Variants in LIN7A observed in about 807,000 individuals in gnomAD.
LIN7A encodes the protein protein lin-7 homolog A.
LIN7A carries 25 observed loss-of-function variants against 29.8 expected under a neutral mutation model. The observed-to-expected ratio is 0.84, with a 90% CI of 0.61 to 1.17. The LOEUF is 1.17. Among genes scored for constraint, LIN7A ranks in the 50% most tolerant of loss-of-function variants. The pLI is 0.00. For synonymous variants in LIN7A, 118 were observed against 107.5 expected (o/e 1.10, Z -0.60); for missense variants, 239 against 287.0 (o/e 0.83, Z 1.21).
At chr12:80,855,663 T>C (rs1421901935) in intron 2 of LIN7A, among the ~76,000 whole-genome samples, 1 of 152,068 alleles carries the variant, frequency 6.6e-6, no homozygotes, top group South Asian at 2.1e-4. Flanking sequence ...TAAAATGAAT[T>C]TGGGGATCAT....
intron 4 of LIN7A, among the ~76,000 whole-genome samples, chr12:80,824,143 G>A (rs1871945332): frequency 6.6e-6 from 1 of 152,032 alleles, no homozygotes; most frequent in South Asian, 2.1e-4. Context: ...CAAAAAGAGA[G>A]AAAATCCAAA....
At position 80,916,603 on chromosome 12, in the gene LIN7A, T is replaced by G. The variant is rs188777802; in HGVS notation, c.82+21038A>C. On this transcript the variant is annotated intron_variant, in intron 1 of 5. Coordinates refer to ENST00000552864, the MANE Select transcript of LIN7A (RefSeq NM_004664.4). ...AGACTGTGTCTGTTGTATTCACTGC[T>G]GCAGTCCCAAAACCTAGAAGAGAGG... is the stretch of plus-strand genomic sequence containing the variant. Among the ~76,000 whole-genome samples the G allele has an allele frequency of 4.6e-5, 7 of 152,262 alleles. No homozygotes were observed. The East Asian group carries it at 1.2e-3, about 25-fold the overall frequency.
At chr12:80,849,670 C>G (rs1293705665) in intron 2 of LIN7A, among the ~76,000 whole-genome samples, 2 of 152,080 alleles carry the variant, frequency 1.3e-5, no homozygotes, top group African/African-American at 4.8e-5. Flanking sequence ...AGCCTTCTCT[C>G]TAGTTTTATT....
chr12:80,824,861 C>G (rs1871982486), intron 4 of LIN7A, among the ~76,000 whole-genome samples: 2 of 152,134 alleles, frequency 1.3e-5, no homozygotes, highest in Admixed American at 6.5e-5. Context: ...AAGGGACATA[C>G]CTTAAGGTAA....
chr12:80,913,817 G>GA (rs140310508), intron 1 of LIN7A, among the ~76,000 whole-genome samples: 1,736 of 152,006 alleles, frequency 0.011, 29 homozygotes, highest in African/African-American at 0.036. Context: ...ATTATTTTCT[G>GA]AAAAAAATCT....
intron 1 of LIN7A, among the ~76,000 whole-genome samples, chr12:80,896,771 T>C (rs1875923788): frequency 6.6e-6 from 1 of 152,244 alleles, no homozygotes; most frequent in Non-Finnish European, 1.5e-5. Flanking sequence ...AAAAAAAGTC[T>C]GACAATACTA....
chr12:80,871,994 AAC>A (rs1186466354), intron 2 of LIN7A, among the ~76,000 whole-genome samples: 1 of 152,110 alleles, frequency 6.6e-6, no homozygotes, highest in Non-Finnish European at 1.5e-5. Context: ...GCTGTAGCTT[AAC>A]AGAGTTAAAT....
At chr12:80,801,684 T>C (rs760466999) in intron 5 of LIN7A, among the ~76,000 whole-genome samples, 1 of 152,198 alleles carries the variant, frequency 6.6e-6, no homozygotes, top group African/African-American at 2.4e-5. Context: ...TTATTTTTTG[T>C]GGTGGAAATA....
At chr12:80,923,139 ACTT>A (rs1433635808) in intron 1 of LIN7A, among the ~76,000 whole-genome samples, 3 of 152,194 alleles carry the variant, frequency 2.0e-5, no homozygotes, top group Admixed American at 6.5e-5. Flanking sequence ...AGAAAGGCGA[ACTT>A]GCACTCTTTC....
At chr12:80,813,239 C>T (rs1871379220) in intron 4 of LIN7A, among the ~76,000 whole-genome samples, 1 of 152,154 alleles carries the variant, frequency 6.6e-6, no homozygotes, top group South Asian at 2.1e-4. Context: ...TCTTGATCTC[C>T]TGACCTTGTG....
At chr12:80,798,174 C>G (rs925774630) in intron 5 of LIN7A, among the ~76,000 whole-genome samples, 2 of 152,188 alleles carry the variant, frequency 1.3e-5, no homozygotes, top group African/African-American at 4.8e-5. Context: ...TTAAATCTGT[C>G]TCTCTTCATA....
At chr12:80,885,531 C>A (rs1875280515) in intron 2 of LIN7A, among the ~76,000 whole-genome samples, 1 of 152,022 alleles carries the variant, frequency 6.6e-6, no homozygotes, top group Admixed American at 6.6e-5. Flanking sequence ...CTTTAGAGAT[C>A]CTTCAGCAAT....
intron 2 of LIN7A, among the ~76,000 whole-genome samples, chr12:80,858,324 C>T (rs1207993702): frequency 1.3e-5 from 2 of 152,042 alleles, no homozygotes; most frequent in Non-Finnish European, 2.9e-5. Context: ...CTTAATTTCC[C>T]TACCTATTTT....
At chr12:80,900,012 C>A (rs1474074263) in intron 1 of LIN7A, among the ~76,000 whole-genome samples, 1 of 151,808 alleles carries the variant, frequency 6.6e-6, no homozygotes, top group Non-Finnish European at 1.5e-5. Context: ...CGTGATCTGC[C>A]CGCCTCGGCC....
intron 2 of LIN7A, among the ~76,000 whole-genome samples, chr12:80,876,098 G>C (rs1565911193): frequency 6.6e-6 from 1 of 151,796 alleles, no homozygotes; most frequent in African/African-American, 2.4e-5. Context: ...GAGAAAGAGA[G>C]AGACAGACAG....
chr12:80,860,576 AG>A (rs1873818023), intron 2 of LIN7A, among the ~76,000 whole-genome samples: 1 of 152,206 alleles, frequency 6.6e-6, no homozygotes, highest in South Asian at 2.1e-4. Context: ...GAGTTAATTC[AG>A]GGTGGTGAAT....
At chr12:80,903,557 G>T (rs957001147) in intron 1 of LIN7A, among the ~76,000 whole-genome samples, 2 of 152,118 alleles carry the variant, frequency 1.3e-5, no homozygotes, top group South Asian at 4.2e-4. Flanking sequence ...GAATAGTATT[G>T]CATGGTGTAT....
At chr12:80,827,886 C>G (rs1872155340) in intron 4 of LIN7A, among the ~76,000 whole-genome samples, 1 of 152,174 alleles carries the variant, frequency 6.6e-6, no homozygotes, top group African/African-American at 2.4e-5. Flanking sequence ...GTCTAATACT[C>G]TCCCCATCAT....
At chr12:80,886,509 G>A (rs900972079) in intron 2 of LIN7A, among the ~76,000 whole-genome samples, 3 of 151,844 alleles carry the variant, frequency 2.0e-5, no homozygotes, top group African/African-American at 7.3e-5. Context: ...TCCAAACTTA[G>A]CAAATATAAA....
Sources: allele counts gnomAD v4.1 joint callset (sites outside exome capture counted in the v4.1 genomes callset), GRCh38; gene constraint gnomAD v4.1.1; transcripts MANE v1.5; gene names NCBI Gene and HGNC (gene_info 2026-07-23, HGNC 2026-07-21).